FTCDNL1: variants seen among roughly 807,000 people sequenced by gnomAD.
FTCDNL1 encodes formiminotransferase cyclodeaminase N-terminal like, also known as formiminotransferase N-terminal subdomain-containing protein.
A neutral mutation model predicts 5.9 loss-of-function variants in FTCDNL1; 11 were observed. The ratio of observed to expected loss-of-function variants is 1.87; its 90% CI spans 1.18 to 3.10. FTCDNL1 has a LOEUF of 3.10. Among genes scored for constraint, FTCDNL1 ranks in the 30% most tolerant of loss-of-function variants. The probability of loss-of-function intolerance (pLI) is 0.00; values close to 1 mark genes in which losing one functional copy is unlikely to be tolerated. For synonymous variants in FTCDNL1, 58 were observed against 24.8 expected (o/e 2.34, Z -3.99); for missense variants, 115 against 65.5 (o/e 1.76, Z -2.61).
the FTCDNL1 span, among the ~76,000 whole-genome samples, chr2:199,747,193 G>A: frequency 6.6e-6 from 1 of 152,002 alleles, no homozygotes; most frequent in African/African-American, 2.4e-5. Flanking sequence ...AATACACTTG[G>A]GTTTAAATAT....
At chr2:199,793,478 G>T (rs1700029360) in intron 3 of FTCDNL1, among the ~76,000 whole-genome samples, 1 of 152,058 alleles carries the variant, frequency 6.6e-6, no homozygotes, top group South Asian at 2.1e-4. Context: ...GAACAACAAA[G>T]GAATAAAAGT....
chr2:199,698,536 C>T, the FTCDNL1 span, among the ~76,000 whole-genome samples: 3 of 152,102 alleles, frequency 2.0e-5, no homozygotes, highest in African/African-American at 7.2e-5. Flanking sequence ...TTTGGGTAAG[C>T]AGTAAAATTA....
the FTCDNL1 span, among the ~76,000 whole-genome samples, chr2:199,748,908 C>A: frequency 3.3e-5 from 5 of 152,134 alleles, no homozygotes; most frequent in Non-Finnish European, 7.4e-5. Context: ...TTCCTGCTCA[C>A]CTCTCCTGCT....
chr2:199,756,699 G>C (rs1309661771), downstream of FTCDNL1, among the ~76,000 whole-genome samples: 1 of 152,202 alleles, frequency 6.6e-6, no homozygotes, highest in Admixed American at 6.5e-5. Flanking sequence ...GGTCACAACA[G>C]GTTAGGTTAT....
the FTCDNL1 span, among the ~76,000 whole-genome samples, chr2:199,688,844 C>T: frequency 3.3e-5 from 5 of 152,162 alleles, no homozygotes; most frequent in Non-Finnish European, 7.3e-5. Context: ...CATTTAAGGG[C>T]ATTATGATAA....
intron 3 of FTCDNL1, chr2:199,785,669 C>G (rs1422879439): frequency 6.6e-6 from 1 of 152,064 alleles, no homozygotes; most frequent in African/African-American, 2.4e-5. Flanking sequence ...CTTTTAGAGA[C>G]AGGGTCTCTG....
chr2:199,676,878 C>G, the FTCDNL1 span, among the ~76,000 whole-genome samples: 1 of 152,138 alleles, frequency 6.6e-6, no homozygotes, highest in Non-Finnish European at 1.5e-5. Flanking sequence ...TTGGGTCCGA[C>G]AAACAAAATT....
At chr2:199,847,369 A>G (rs1207751754) in intron 2 of FTCDNL1, among the ~76,000 whole-genome samples, 3 of 152,174 alleles carry the variant, frequency 2.0e-5, no homozygotes. Flanking sequence ...AGATCATGCA[A>G]CTTCCTATTT....
chr2:199,745,087 TGTCA>T, the FTCDNL1 span, among the ~76,000 whole-genome samples: 1 of 152,234 alleles, frequency 6.6e-6, no homozygotes, highest in Non-Finnish European at 1.5e-5. Context: ...TTTCCCCACA[TGTCA>T]GTCTATGGCT....
At chr2:199,741,160 G>A in the FTCDNL1 span, among the ~76,000 whole-genome samples, 6 of 152,246 alleles carry the variant, frequency 3.9e-5, no homozygotes, top group African/African-American at 1.4e-4. Flanking sequence ...CCTGCCTTGG[G>A]TATTTTAGAG....
intron 3 of FTCDNL1, among the ~76,000 whole-genome samples, chr2:199,783,193 C>G (rs1352784349): frequency 6.6e-6 from 1 of 152,216 alleles, no homozygotes; most frequent in Non-Finnish European, 1.5e-5. Context: ...ACTGCAAGGC[C>G]ATGGCCTGTT....
chr2:199,679,972 T>A, the FTCDNL1 span, among the ~76,000 whole-genome samples: 2 of 152,182 alleles, frequency 1.3e-5, no homozygotes, highest in African/African-American at 4.8e-5. Context: ...TTTAAATATA[T>A]GTTAGTGTGG....
At chr2:199,836,798 A>AC (rs1702777977) in intron 3 of FTCDNL1, among the ~76,000 whole-genome samples, 1 of 152,164 alleles carries the variant, frequency 6.6e-6, no homozygotes, top group Admixed American at 6.5e-5. Context: ...GGAAGGAGTA[A>AC]AAGTCCATAG....
chr2:199,795,594 A>T (rs1046661218), intron 3 of FTCDNL1, among the ~76,000 whole-genome samples: 1 of 152,188 alleles, frequency 6.6e-6, no homozygotes, highest in African/African-American at 2.4e-5. Flanking sequence ...TCTGTTTCTT[A>T]TAACCTGAGT....
chr2:199,791,766 T>C (rs1699937684), intron 3 of FTCDNL1, among the ~76,000 whole-genome samples: 1 of 152,144 alleles, frequency 6.6e-6, no homozygotes, highest in Non-Finnish European at 1.5e-5. Flanking sequence ...ACTAATAGTA[T>C]AAAGAAAAAT....
intron 3 of FTCDNL1, among the ~76,000 whole-genome samples, chr2:199,788,001 G>T (rs1699746070): frequency 6.6e-6 from 1 of 152,164 alleles, no homozygotes; most frequent in Admixed American, 6.5e-5. Context: ...GCAGAAACTG[G>T]ATTTCTGCAT....
chr2:199,836,234 G>A (rs1398608668), intron 3 of FTCDNL1, among the ~76,000 whole-genome samples: 1 of 152,004 alleles, frequency 6.6e-6, no homozygotes, highest in Non-Finnish European at 1.5e-5. Flanking sequence ...AGCACATCAT[G>A]GCTCACTGCA....
the FTCDNL1 span, among the ~76,000 whole-genome samples, chr2:199,664,142 A>G: frequency 2.0e-5 from 3 of 152,212 alleles, no homozygotes; most frequent in Non-Finnish European, 4.4e-5. Flanking sequence ...TTAAAAATAT[A>G]TAATCAATAA....
chr2:199,804,657 A>C (rs1700631658), downstream of FTCDNL1, among the ~76,000 whole-genome samples: 1 of 152,152 alleles, frequency 6.6e-6, no homozygotes, highest in African/African-American at 2.4e-5. Context: ...GCGAATGAGA[A>C]GAAAAGGAGA....
Sources: gnomAD v4.1 joint callset for allele counts (sites outside exome capture counted in the v4.1 genomes callset) on GRCh38, gnomAD v4.1.1 for gene constraint, MANE v1.5 for transcripts, NCBI Gene and HGNC (gene_info 2026-07-23, HGNC 2026-07-21) for gene names.